The following MPP4 variants were observed in gnomAD, a reference collection of about 807,000 sequenced individuals.
The protein encoded by MPP4 is MAGUK p55 scaffold protein 4.
A neutral mutation model predicts 98.3 loss-of-function variants in MPP4; 91 were observed. The observed-to-expected ratio is 0.93, with a 90% CI of 0.78 to 1.10. The LOEUF is 1.10. Among genes scored for constraint, MPP4 ranks in the 50% least tolerant of loss-of-function variants. The pLI is 0.00. For missense variants in MPP4, 744 were observed against 792.9 expected (o/e 0.94, Z 0.74); for synonymous variants, 261 against 271.8 (o/e 0.96, Z 0.39).
intron 1 of MPP4, among the ~76,000 whole-genome samples, chr2:201,697,523 C>A (rs1559022076): frequency 6.6e-6 from 1 of 152,122 alleles, no homozygotes. Flanking sequence ...AGTGCTTGGG[C>A]CATAGCAAGC....
intron 1 of MPP4, among the ~76,000 whole-genome samples, chr2:201,695,250 C>T (rs766916704): frequency 3.9e-5 from 6 of 152,092 alleles, no homozygotes; most frequent in Non-Finnish European, 7.4e-5. Flanking sequence ...GCCTACATTT[C>T]GGCCAACAGG....
intron 11 of MPP4, among the ~76,000 whole-genome samples, chr2:201,673,788 G>A (rs1474459052): frequency 1.3e-5 from 2 of 152,180 alleles, no homozygotes; most frequent in Admixed American, 1.3e-4. Flanking sequence ...CTTGGAGAAG[G>A]GAGACATAAT....
chr2:201,648,833 G>T (rs979866187), intron 20 of MPP4, among the ~76,000 whole-genome samples: 1 of 152,172 alleles, frequency 6.6e-6, no homozygotes. Flanking sequence ...TGAGGCAGGT[G>T]GATCACTTGA....
At chr2:201,666,072 A>T (rs1688166966) in intron 13 of MPP4, 1 of 317,890 alleles carries the variant, frequency 3.1e-6, no homozygotes, top group East Asian at 5.2e-5. Context: ...ATATGCTGAG[A>T]GTTACTAAGT....
Position 201,684,353 on chromosome 2 carries a change from G to A in MPP4, c.574+711C>T, listed in dbSNP as rs577917808. Among the ~76,000 whole-genome samples the A allele has an allele frequency of 2.6e-5, 4 of 152,316 alleles. No homozygotes were observed. In the South Asian group the frequency reaches 8.3e-4, roughly 32 times the overall value. ...CTTTCTGAAAGTAGAAGGACAAAGT[G>A]CAGAGAAAAAGTTGGGAATATAGAG... On this transcript the variant is annotated intron_variant, in intron 7 of 21. Transcript: ENST00000409474.
intron 12 of MPP4, 162 bp from the exon 13 acceptor site, chr2:201,666,534 G>A (rs775258210): frequency 5.9e-5 from 31 of 521,264 alleles, no homozygotes; most frequent in Non-Finnish European, 7.7e-5. Flanking sequence ...CAACTTGACC[G>A]ACATGGTGAA....
At chr2:201,686,142 A>G (rs1029191159) in intron 5 of MPP4, 92 bp from the exon 6 acceptor site, 3 of 1,425,426 alleles carry the variant, frequency 2.1e-6, no homozygotes, top group African/African-American at 2.8e-5. Flanking sequence ...AGACACAGCA[A>G]CAACAACAAA....
chr2:201,670,685 CA>C (rs1182043095), intron 11 of MPP4, among the ~76,000 whole-genome samples: 1 of 152,082 alleles, frequency 6.6e-6, no homozygotes, highest in Non-Finnish European at 1.5e-5. Flanking sequence ...AAAAAATTTT[CA>C]AAACGTGGAA....
intron 10 of MPP4, among the ~76,000 whole-genome samples, chr2:201,677,023 G>A (rs1360768374): frequency 1.3e-5 from 2 of 152,210 alleles, no homozygotes; most frequent in Non-Finnish European, 2.9e-5. Context: ...GCAGGCCAGA[G>A]CCAAGATTCT....
At chr2:201,672,260 A>T (rs962654701) in intron 11 of MPP4, among the ~76,000 whole-genome samples, 4 of 152,242 alleles carry the variant, frequency 2.6e-5, no homozygotes, top group African/African-American at 9.6e-5. Flanking sequence ...TTTAGAAGGA[A>T]ATTTAGAGCA....
At chr2:201,665,121 A>C (rs1295079110) in intron 13 of MPP4, 2 of 142,874 alleles carry the variant, frequency 1.4e-5, no homozygotes, top group South Asian at 2.3e-4. Context: ...GCTGGAGTGC[A>C]GTGGCGCAAT....
chr2:201,651,285 G>T, intron 18 of MPP4: 6 of 985,380 alleles, frequency 6.1e-6, no homozygotes, highest in Non-Finnish European at 7.2e-6. Context: ...TCATCTTGGG[G>T]TCATTTTTGT....
chr2:201,654,316 A>C (rs1269788151), intron 18 of MPP4, among the ~76,000 whole-genome samples: 1 of 152,218 alleles, frequency 6.6e-6, no homozygotes, highest in African/African-American at 2.4e-5. Flanking sequence ...TTTTATAATC[A>C]TACTCATAAA....
chr2:201,649,799 CAGAA>C (rs1687666867), intron 19 of MPP4, 115 bp from the exon 20 acceptor site: 4 of 739,432 alleles, frequency 5.4e-6, no homozygotes, highest in Admixed American at 2.4e-5. Context: ...TTTATTAACA[CAGAA>C]AGAATGAATA....
chr2:201,658,189 G>T (rs1390768765), intron 16 of MPP4, among the ~76,000 whole-genome samples: 1 of 152,090 alleles, frequency 6.6e-6, no homozygotes, highest in Non-Finnish European at 1.5e-5. Flanking sequence ...CAGAGACTTT[G>T]TCTCTTTAGC....
At chr2:201,679,638 C>T (rs1349061407) in intron 10 of MPP4, among the ~76,000 whole-genome samples, 5 of 152,158 alleles carry the variant, frequency 3.3e-5, no homozygotes, top group Admixed American at 1.3e-4. Flanking sequence ...TATCTCCTAC[C>T]GCCTGCTCAA....
chr2:201,657,618 T>TTTG (rs58269844), intron 16 of MPP4, among the ~76,000 whole-genome samples: 3 of 147,098 alleles, frequency 2.0e-5, no homozygotes, highest in African/African-American at 7.5e-5. Flanking sequence ...TGTTTTTTTT[T>TTTG]GCTTATTGTA....
intron 13 of MPP4, among the ~76,000 whole-genome samples, chr2:201,664,771 A>G (rs924342090): frequency 6.6e-6 from 1 of 152,230 alleles, no homozygotes; most frequent in African/African-American, 2.4e-5. Context: ...GTAAAATGAT[A>G]TAGTTATAAG....
chr2:201,649,516 C>CA lies in MPP4; in HGVS notation c.1584+59dup, dbSNP rs965409985. 8.5e-6 allele frequency: 11 copies of CA among 1,298,236 alleles called. 1 individual carries two copies. The highest frequency in any genetic ancestry group is 1.8e-4 in the Middle Eastern group (1 of 5,546). The allele number at this position is 1,298,236 out of a possible 1,614,324, so 80.4% of individuals were successfully genotyped here. A position where few individuals can be genotyped will look rare whatever the true frequency, so the allele number is the denominator to read the frequency against. On this transcript the variant is annotated intron_variant, in intron 20 of 21. Transcript: ENST00000409474. ...TCAACTATAACCTACAGCATGTGCACAAAAAATGGATGATACGCATTCATT... is the reference window on the plus strand; with the variant it reads ...TCAACTATAACCTACAGCATGTGCACAAAAAAATGGATGATACGCATTCATT...
Sources: allele counts gnomAD v4.1 joint callset (sites outside exome capture counted in the v4.1 genomes callset), GRCh38; gene constraint gnomAD v4.1.1; transcripts MANE v1.5; gene names NCBI Gene and HGNC (gene_info 2026-07-23, HGNC 2026-07-21).